Variants in SMG9 observed in about 807,000 individuals in gnomAD.
SMG9 encodes nonsense-mediated mRNA decay factor SMG9.
In SMG9, 55 loss-of-function variants were observed where a neutral mutation model predicts 64.0. That is an observed-to-expected ratio of 0.86 (90% CI 0.69 to 1.08). The LOEUF (loss-of-function observed/expected upper bound fraction) is 1.08, where lower values mean the gene tolerates loss of function less well. SMG9 is among the 50% of genes least tolerant of loss of function. SMG9 has a pLI of 0.00. For synonymous variants in SMG9, 244 were observed against 254.8 expected (o/e 0.96, Z 0.41); for missense variants, 554 against 681.3 (o/e 0.81, Z 2.08).
chr19:43,734,245 G>T, intron 10 of SMG9, 144 bp downstream of exon 10: 3 of 642,218 alleles, frequency 4.7e-6, no homozygotes, highest in Admixed American at 5.5e-5. Context: ...AATCCTTTTT[G>T]ACTTTGCTCC....
chr19:43,748,096 C>A, intron 2 of SMG9, 44 bp from the exon 3 acceptor site: 1 of 1,564,506 alleles, frequency 6.4e-7, no homozygotes, highest in Admixed American at 1.9e-5. Flanking sequence ...CTCTCCTGGA[C>A]ATTCCAGATC....
At chr19:43,743,294 A>G (rs772983123) in intron 6 of SMG9, among the ~76,000 whole-genome samples, 22 of 152,222 alleles carry the variant, frequency 1.4e-4, no homozygotes, top group Non-Finnish European at 3.2e-4. Context: ...ACCTGGAACT[A>G]TTCCAAAATG....
chr19:43,739,869 T>C (rs1968790636), intron 7 of SMG9: 2 of 535,324 alleles, frequency 3.7e-6, no homozygotes, highest in Non-Finnish European at 6.7e-6. Context: ...GGCCCACACT[T>C]TTCAGCACTA....
intron 5 of SMG9, among the ~76,000 whole-genome samples, chr19:43,745,547 ATTTTG>A (rs921871215): frequency 5.9e-5 from 9 of 152,126 alleles, no homozygotes; most frequent in African/African-American, 7.2e-5. Context: ...TTACCTTAAA[ATTTTG>A]TTTTGTTTTG....
rs980369448 is a variant in SMG9, at chr19:43,731,360, G to A, written c.*236C>T. ...CTTGTCCCTGTGGAGGACACAGGAC[G>A]GGCTACCCCATCTCAGGTTTGGGGT... On this transcript the variant is annotated 3_prime_UTR_variant, in exon 14 of 14. Transcript: ENST00000270066. 4.1e-5 allele frequency: 55 copies of A among 1,343,508 alleles called. No individual in the cohort carries two copies. In the Admixed American group the frequency reaches 7.6e-4, roughly 19 times the overall value. The allele number at this position is 1,343,508 out of a possible 1,614,324, so 83.2% of individuals were successfully genotyped here.
rs765750774 is a variant in SMG9, at chr19:43,750,594, TTCTC to T, written c.144_147del (p.Arg49GlyfsTer52). 6.2e-7 allele frequency: 1 copy of T among 1,610,084 alleles called. No homozygotes were observed. Among genetic ancestry groups the T allele is most frequent in the Non-Finnish European group, 8.5e-7 (1 of 1,177,804 alleles). On this transcript the variant is annotated frameshift_variant, in exon 2 of 14. Coordinates refer to ENST00000270066, the MANE Select transcript of SMG9 (RefSeq NM_019108.4). LOFTEE classifies it high-confidence loss of function. ...TGCTCCTGGGTCCAGACACTCACCC[TTCTC>T]TCTCTTTCCCATGGTGCAATGTAGT...
At chr19:43,741,561 G>C (rs948444523) in intron 6 of SMG9, among the ~76,000 whole-genome samples, 1 of 152,184 alleles carries the variant, frequency 6.6e-6, no homozygotes. Flanking sequence ...GGTGAGGACC[G>C]TACGGTGGAA....
rs1968477275 is a variant in SMG9, at chr19:43,731,356, G to C, written c.*240C>G. 7.5e-7 allele frequency: 1 copy of C among 1,338,860 alleles called. No homozygotes were observed. Among genetic ancestry groups the C allele is most frequent in the Middle Eastern group, 2.8e-4 (1 of 3,530 alleles). The allele number at this position is 1,338,860 out of a possible 1,614,324, so 82.9% of individuals were successfully genotyped here. ...ACTGCTTGTCCCTGTGGAGGACACA[G>C]GACGGGCTACCCCATCTCAGGTTTG... On this transcript the variant is annotated 3_prime_UTR_variant, in exon 14 of 14. Transcript: ENST00000270066.
rs1382662410 is a variant in SMG9, at chr19:43,728,879, G to GT, written c.*2716dup. The GT allele has an allele frequency of 3.6e-5, 20 of 551,452 alleles. No individual in the cohort carries two copies. Among genetic ancestry groups the GT allele is most frequent in the African/African-American group, 1.4e-4 (7 of 48,796 alleles). The allele number at this position is 551,452 out of a possible 1,614,324, so 34.2% of individuals were successfully genotyped here. A position where few individuals can be genotyped will look rare whatever the true frequency, so the allele number is the denominator to read the frequency against. ...TATTCCTGTGTCTGAATTGAAAAGCGTGAGTTCCACCTGCTGGGAATGATG... is the reference window on the plus strand; with the variant it reads ...TATTCCTGTGTCTGAATTGAAAAGCGTTGAGTTCCACCTGCTGGGAATGATG... On this transcript the variant is annotated 3_prime_UTR_variant, in exon 14 of 14. Transcript: ENST00000270066.
At chr19:43,736,702 G>A (rs1456425276) in intron 9 of SMG9, among the ~76,000 whole-genome samples, 1 of 152,202 alleles carries the variant, frequency 6.6e-6, no homozygotes, top group African/African-American at 2.4e-5. Flanking sequence ...TGGGGACCTT[G>A]CCCTCCTAGG....
chr19:43,746,455 T>C (rs962050636), intron 5 of SMG9, among the ~76,000 whole-genome samples: 4 of 151,946 alleles, frequency 2.6e-5, no homozygotes, highest in African/African-American at 9.7e-5. Flanking sequence ...CGCTGAAGGG[T>C]AGGGTTTGGT....
chr19:43,754,177 ACT>A (rs1295504658), intron 1 of SMG9, among the ~76,000 whole-genome samples: 1 of 151,222 alleles, frequency 6.6e-6, no homozygotes, highest in Non-Finnish European at 1.5e-5. Context: ...ATTTGGGGAG[ACT>A]CTCCCGATTC....
intron 2 of SMG9, 69 bp downstream of exon 2, chr19:43,750,523 G>A: frequency 6.6e-7 from 1 of 1,517,200 alleles, no homozygotes; most frequent in African/African-American, 1.4e-5. Context: ...CTGGATTAGT[G>A]CCTGGCACAT....
chr19:43,740,358 A>C, intron 6 of SMG9, 140 bp from the exon 7 acceptor site: 2 of 472,364 alleles, frequency 4.2e-6, no homozygotes, highest in East Asian at 5.0e-5. Flanking sequence ...GGCCCATGTC[A>C]GGGGGTGGGA....
Position 43,740,230 on chromosome 19 carries a change from A to G in SMG9, c.702-12T>C. 1.3e-6 allele frequency: 2 copies of G among 1,591,020 alleles called. No homozygotes were observed. Among genetic ancestry groups the G allele is most frequent in the South Asian group, 2.2e-5 (2 of 90,606 alleles). On this transcript the variant is annotated splice_polypyrimidine_tract_variant and intron_variant, in intron 6 of 13. Coordinates refer to ENST00000270066, the MANE Select transcript of SMG9 (RefSeq NM_019108.4). ...GGAAAACATAAGTCCTGTGGAGAGG[A>G]GCAGGCAGGGGTGTGTGAGAGCTCT...
intron 7 of SMG9, among the ~76,000 whole-genome samples, chr19:43,738,623 T>TGGTGATC (rs1471709980): frequency 1.5e-4 from 23 of 152,176 alleles, no homozygotes; most frequent in African/African-American, 5.5e-4. Flanking sequence ...CATCAGTATG[T>TGGTGATC]ATAAGAATCA....
chr19:43,749,322 G>A (rs1481246723), intron 2 of SMG9, among the ~76,000 whole-genome samples: 1 of 152,170 alleles, frequency 6.6e-6, no homozygotes, highest in Non-Finnish European at 1.5e-5. Context: ...AAAATGGGAA[G>A]AGGAAAAATG....
At chr19:43,746,409 A>G (rs2146396401) in intron 5 of SMG9, among the ~76,000 whole-genome samples, 1 of 152,314 alleles carries the variant, frequency 6.6e-6, no homozygotes, top group African/African-American at 2.4e-5. Context: ...TCAAATATAT[A>G]TGATCTTCAT....
chr19:43,746,771 G>A (rs188764518), intron 5 of SMG9, among the ~76,000 whole-genome samples: 2 of 151,816 alleles, frequency 1.3e-5, no homozygotes, highest in East Asian at 3.9e-4. Flanking sequence ...CACTTTGGGG[G>A]AGTGACATTC....
Sources: allele counts gnomAD v4.1 joint callset (sites outside exome capture counted in the v4.1 genomes callset), GRCh38; gene constraint gnomAD v4.1.1; transcripts MANE v1.5; gene names NCBI Gene and HGNC (gene_info 2026-07-23, HGNC 2026-07-21).